The following FREM2 variants were observed in gnomAD, a reference collection of about 807,000 sequenced individuals.
The protein encoded by FREM2 is FRAS1-related extracellular matrix protein 2.
Under a neutral mutation model 219.9 loss-of-function variants are expected in FREM2, and 119 were observed. The observed-to-expected ratio is 0.54, with a 90% CI of 0.47 to 0.63. The LOEUF is 0.63. Among genes scored for constraint, FREM2 ranks in the 30% least tolerant of loss-of-function variants. The pLI, the probability that FREM2 is intolerant of heterozygous loss-of-function variation, is 0.00. For missense variants in FREM2, 4,030 were observed against 3,993.6 expected (o/e 1.01, Z -0.25); for synonymous variants, 1,562 against 1,522.8 (o/e 1.03, Z -0.60).
intron 2 of FREM2, among the ~76,000 whole-genome samples, chr13:38,734,931 C>A (rs1333495711): frequency 1.3e-5 from 2 of 151,600 alleles, no homozygotes; most frequent in African/African-American, 4.8e-5. Flanking sequence ...TATTTTTAGT[C>A]GAGATGGGGT....
At chr13:38,728,015 C>T (rs1284122945) in intron 2 of FREM2, among the ~76,000 whole-genome samples, 1 of 152,136 alleles carries the variant, frequency 6.6e-6, no homozygotes, top group African/African-American at 2.4e-5. Flanking sequence ...ACACACTGGA[C>T]ATTGGTTGGC....
intron 4 of FREM2, among the ~76,000 whole-genome samples, chr13:38,772,733 G>A (rs775071539): frequency 2.0e-5 from 3 of 147,832 alleles, no homozygotes; most frequent in South Asian, 2.1e-4. Flanking sequence ...TTTCGCTCTC[G>A]CTGCCCAGGC....
At chr13:38,757,548 G>T (rs937367931) in intron 2 of FREM2, among the ~76,000 whole-genome samples, 1 of 151,908 alleles carries the variant, frequency 6.6e-6, no homozygotes, top group Non-Finnish European at 1.5e-5. Context: ...GTGGTGCTGT[G>T]CCTGTTTCCC....
chr13:38,790,436 A>G (rs942405721), intron 6 of FREM2, among the ~76,000 whole-genome samples: 1 of 152,090 alleles, frequency 6.6e-6, no homozygotes, highest in African/African-American at 2.4e-5. Flanking sequence ...AAGAGTTTCT[A>G]TTATATTTGC....
chr13:38,702,430 T>C lies in FREM2; in HGVS notation c.5263+4643T>C, dbSNP rs145142497. On this transcript the variant is annotated intron_variant, in intron 2 of 23. Transcript: ENST00000280481. ...ACTACTGTATTTTCAGTTACCCCAG[T>C]ATTTTCTTGTGTGGTATGAGATAAC... Among the ~76,000 whole-genome samples, 3 of 152,292 alleles carry C rather than the reference T, an allele frequency of 2.0e-5. No homozygotes were observed. In the East Asian group the frequency reaches 5.8e-4, roughly 29 times the overall value.
chr13:38,850,387 A>G (rs1206395282), intron 9 of FREM2, 152 bp downstream of exon 9: 4 of 707,550 alleles, frequency 5.7e-6, no homozygotes, highest in African/African-American at 3.5e-5. Flanking sequence ...TCGATTTTTA[A>G]CAGGTTGAAT....
At chr13:38,802,287 G>A (rs9548459) in intron 6 of FREM2, among the ~76,000 whole-genome samples, 1 of 151,970 alleles carries the variant, frequency 6.6e-6, no homozygotes, top group African/African-American at 2.4e-5. Flanking sequence ...AGGTAGCTGT[G>A]GGATGCATGG....
At chr13:38,829,821 G>A (rs1394339629) in intron 6 of FREM2, among the ~76,000 whole-genome samples, 2 of 151,932 alleles carry the variant, frequency 1.3e-5, no homozygotes, top group African/African-American at 2.4e-5. Context: ...GGTTTGGAGT[G>A]AAATTTATTT....
intron 3 of FREM2, among the ~76,000 whole-genome samples, chr13:38,768,938 T>C (rs867668157): frequency 3.3e-5 from 5 of 152,198 alleles, no homozygotes; most frequent in African/African-American, 1.2e-4. Flanking sequence ...TAACCATATA[T>C]ATTTAGCTCT....
At chr13:38,743,754 T>C (rs548182714) in intron 2 of FREM2, among the ~76,000 whole-genome samples, 6 of 152,176 alleles carry the variant, frequency 3.9e-5, no homozygotes, top group Non-Finnish European at 7.4e-5. Context: ...CCTTACTGAA[T>C]AGAACAATAA....
chr13:38,795,284 T>C (rs2137843172), intron 6 of FREM2, among the ~76,000 whole-genome samples: 1 of 151,752 alleles, frequency 6.6e-6, no homozygotes, highest in Admixed American at 6.6e-5. Context: ...TTCAAGCCTG[T>C]TGTACACCCT....
At chr13:38,753,128 C>T (rs1872845281) in intron 2 of FREM2, among the ~76,000 whole-genome samples, 1 of 152,070 alleles carries the variant, frequency 6.6e-6, no homozygotes, top group Non-Finnish European at 1.5e-5. Context: ...ACAAACTTAA[C>T]TCTTGGTAAA....
At position 38,687,972 on chromosome 13, in the gene FREM2, C is replaced by G. The variant is rs747507522; in HGVS notation, c.628C>G (p.Gln210Glu). 1 of 1,612,522 alleles carries G rather than the reference C, an allele frequency of 6.2e-7. No homozygotes were observed. The highest frequency in any genetic ancestry group is 1.1e-5 in the South Asian group (1 of 90,802). ...LDARSLEFAF[Q>E]PETEECRVGI... ...CGCGCGGAGCCTGGAGTTCGCCTTC[C>G]AGCCCGAGACAGAGGAGTGCCGCGT... Residue 210 changes from glutamine to glutamate, a missense_variant, in exon 1 of 24, where the codon CAG becomes GAG. By Grantham distance (29) the Gln-to-Glu change is conservative. This residue lies in a region of FREM2 where 3,102 missense variants were observed against 2,950.7 expected (regional missense o/e 1.05). Coordinates refer to ENST00000280481, the MANE Select transcript of FREM2 (RefSeq NM_207361.6).
chr13:38,813,553 CTCTCTCTCTCTATATATATATA>C (rs1192997346), intron 6 of FREM2, among the ~76,000 whole-genome samples: 1 of 29,048 alleles, frequency 3.4e-5, no homozygotes, highest in African/African-American at 1.8e-4. Flanking sequence ...CTCTCTCTCT[CTCTCTCTCTCTATATATATATA>C]TATATATATA....
Position 38,768,986 on chromosome 13 carries a change from G to A in FREM2, c.5411-592G>A, listed in dbSNP as rs554881340. Reference sequence around the variant, plus strand: ...ATTTAATTTCATGGAATTCTGGGGTGTTCCAGAAAGAAAAATTTTGCAGTG... The same window carrying A: ...ATTTAATTTCATGGAATTCTGGGGTATTCCAGAAAGAAAAATTTTGCAGTG... On this transcript the variant is annotated intron_variant, in intron 3 of 23. Coordinates refer to ENST00000280481, the MANE Select transcript of FREM2 (RefSeq NM_207361.6). Among the ~76,000 whole-genome samples the A allele has an allele frequency of 5.3e-5, 8 of 152,262 alleles. No homozygotes were observed. In the East Asian group the frequency reaches 5.8e-4, roughly 11 times the overall value.
intron 2 of FREM2, among the ~76,000 whole-genome samples, chr13:38,705,179 CAGAA>C (rs1404576509): frequency 6.6e-6 from 1 of 152,090 alleles, no homozygotes; most frequent in Admixed American, 6.6e-5. Flanking sequence ...GAGGCCGATG[CAGAA>C]AGACAGATGT....
At chr13:38,749,111 C>G (rs1234589637) in intron 2 of FREM2, among the ~76,000 whole-genome samples, 3 of 152,146 alleles carry the variant, frequency 2.0e-5, no homozygotes, top group Non-Finnish European at 4.4e-5. Flanking sequence ...GAAGCCTAAT[C>G]TGCTTAAAAC....
chr13:38,880,165 A>T, intron 23 of FREM2, 119 bp from the exon 24 acceptor site: 1 of 1,091,570 alleles, frequency 9.2e-7, no homozygotes, highest in Non-Finnish European at 1.4e-6. Context: ...TAAGTAAGTT[A>T]ATTCTGCAGA....
rs749972037 is a variant in FREM2, at chr13:38,687,425, G to A, written c.81G>A (p.Pro27=). 8 of 1,602,302 alleles carry A rather than the reference G, an allele frequency of 5.0e-6. No homozygotes were observed. Among genetic ancestry groups the A allele is most frequent in the African/African-American group, 1.3e-5 (1 of 74,734 alleles). The change falls in exon 1 of 24, where the codon CCG becomes CCA. Residue 27 remains proline, a synonymous_variant. Coordinates refer to ENST00000280481, the MANE Select transcript of FREM2 (RefSeq NM_207361.6). The part of the protein sequence containing the change: ...STSFQPGPPP[P]PRLLLLLLLL... ...GCTTTCAACCAGGACCGCCACCGCC[G>A]CCCCGGCTGCTGCTGCTGCTGCTGC...
Sources: allele counts gnomAD v4.1 joint callset (sites outside exome capture counted in the v4.1 genomes callset), GRCh38; gene constraint gnomAD v4.1.1; regional missense constraint gnomAD v4.1.1; transcripts MANE v1.5; gene names NCBI Gene and HGNC (gene_info 2026-07-23, HGNC 2026-07-21).